The following DLG2 variants were observed in gnomAD, a reference collection of about 807,000 sequenced individuals.
DLG2 encodes the protein discs large MAGUK scaffold protein 2.
DLG2 carries 45 observed loss-of-function variants against 132.5 expected under a neutral mutation model. The observed-to-expected ratio is 0.34, with a 90% CI of 0.27 to 0.44. The LOEUF is 0.44. Among genes scored for constraint, DLG2 ranks in the 20% least tolerant of loss-of-function variants. The pLI, the probability that DLG2 is intolerant of heterozygous loss-of-function variation, is 1.00. For synonymous variants in DLG2, 424 were observed against 419.6 expected (o/e 1.01, Z -0.13); for missense variants, 1,045 against 1,196.9 (o/e 0.87, Z 1.87).
intron 7 of DLG2, among the ~76,000 whole-genome samples, chr11:84,256,747 T>C (rs1478941015): frequency 6.6e-6 from 1 of 152,200 alleles, no homozygotes; most frequent in African/African-American, 2.4e-5. Context: ...ATATATGGTA[T>C]GGCATGACAT....
chr11:83,709,720 T>C (rs116808413), intron 18 of DLG2, among the ~76,000 whole-genome samples: 1,865 of 152,320 alleles, frequency 0.012, 32 homozygotes, highest in African/African-American at 0.041. Flanking sequence ...AAATTAACTG[T>C]TGATACAGGT....
At chr11:84,481,902 C>A (rs1172127135) in intron 7 of DLG2, among the ~76,000 whole-genome samples, 1 of 152,170 alleles carries the variant, frequency 6.6e-6, no homozygotes, top group Non-Finnish European at 1.5e-5. Context: ...CAGGATCAGA[C>A]AGGGACTTCA....
chr11:83,587,829 G>T (rs1048254877), intron 19 of DLG2, among the ~76,000 whole-genome samples: 8 of 152,216 alleles, frequency 5.3e-5, no homozygotes, highest in Non-Finnish European at 1.2e-4. Flanking sequence ...CCTCACTTGG[G>T]AAGTGCAAGG....
chr11:85,025,921 T>C (rs979700922), intron 6 of DLG2, among the ~76,000 whole-genome samples: 2 of 152,040 alleles, frequency 1.3e-5, no homozygotes, highest in South Asian at 2.1e-4. Context: ...TGATTATCTA[T>C]TTGTTAGTAC....
chr11:83,806,174 C>T (rs1221952894), intron 17 of DLG2, among the ~76,000 whole-genome samples: 1 of 152,176 alleles, frequency 6.6e-6, no homozygotes, highest in Non-Finnish European at 1.5e-5. Flanking sequence ...GTCCGTGACA[C>T]TTACTTGGCC....
At chr11:84,428,172 T>C (rs1333347502) in intron 7 of DLG2, among the ~76,000 whole-genome samples, 1 of 152,206 alleles carries the variant, frequency 6.6e-6, no homozygotes, top group Admixed American at 6.5e-5. Flanking sequence ...TTCTCCTTTT[T>C]AAAAAATATA....
intron 3 of DLG2, among the ~76,000 whole-genome samples, chr11:85,436,073 G>A (rs1346059962): frequency 6.6e-6 from 1 of 152,078 alleles, no homozygotes; most frequent in African/African-American, 2.4e-5. Context: ...AGGATTCTCT[G>A]TTTAATAAAT....
chr11:85,316,351 T>C (rs2080675028), intron 3 of DLG2, among the ~76,000 whole-genome samples: 1 of 152,078 alleles, frequency 6.6e-6, no homozygotes, highest in African/African-American at 2.4e-5. Context: ...TAAGCTATCC[T>C]GATGTTTAGT....
chr11:85,104,872 C>CAAAAAAAA (rs56043190), intron 6 of DLG2, among the ~76,000 whole-genome samples: 2 of 56,054 alleles, frequency 3.6e-5, no homozygotes, highest in African/African-American at 1.4e-4. Flanking sequence ...GGCTGAATGG[C>CAAAAAAAA]AAAAAAAAAA....
At chr11:85,026,206 A>T (rs1213736007) in intron 6 of DLG2, among the ~76,000 whole-genome samples, 2 of 152,162 alleles carry the variant, frequency 1.3e-5, no homozygotes, top group African/African-American at 2.4e-5. Context: ...GAAAATATTT[A>T]TCAAAGTTAT....
chr11:84,434,115 T>A (rs1365606163), intron 7 of DLG2, among the ~76,000 whole-genome samples: 2 of 115,880 alleles, frequency 1.7e-5, no homozygotes, highest in Non-Finnish European at 3.2e-5. Flanking sequence ...TGAGACTCCA[T>A]CTCAAAAAAA....
At chr11:85,150,741 TG>T (rs2077195513) in intron 5 of DLG2, among the ~76,000 whole-genome samples, 1 of 150,074 alleles carries the variant, frequency 6.7e-6, no homozygotes, top group African/African-American at 2.5e-5. Flanking sequence ...TGTGTGTGTG[TG>T]TGTGTGTGTA....
chr11:85,598,569 G>T (rs1310100265), intron 3 of DLG2, 88 bp downstream of exon 3: 7 of 889,372 alleles, frequency 7.9e-6, no homozygotes, highest in Middle Eastern at 2.5e-4. Context: ...TTGAAACTTG[G>T]TTAACATCAG....
chr11:84,777,327 G>C (rs1346003817), intron 6 of DLG2, among the ~76,000 whole-genome samples: 1 of 67,538 alleles, frequency 1.5e-5, no homozygotes, highest in African/African-American at 5.6e-5. Flanking sequence ...ATATATATAC[G>C]TTTTCTTTAC....
In DLG2 at chr11:84,434,118, CAA is replaced by C. The variant is rs201807752; in HGVS notation, c.519+100450_519+100451del. Among the ~76,000 whole-genome samples, 650 of 86,874 alleles carry C rather than the reference CAA, an allele frequency of 7.5e-3. 4 individuals carry two copies. Among genetic ancestry groups the C allele is most frequent in the Middle Eastern group, 0.014 (2 of 148 alleles). 57.0% of individuals were successfully genotyped at this position (86,874 alleles called of 152,430 possible). ...TCTGAGCTACAGTGAGACTCCATCT[CAA>C]AAAAAAAAAAAAAAAGAATAATAGG... is the stretch of plus-strand genomic sequence containing the variant. On this transcript the variant is annotated intron_variant, in intron 7 of 27. Transcript: ENST00000376104.
chr11:83,771,548 A>G (rs549609679), intron 18 of DLG2, among the ~76,000 whole-genome samples: 1 of 152,290 alleles, frequency 6.6e-6, no homozygotes, highest in South Asian at 2.1e-4. Flanking sequence ...CTGCGCTACA[A>G]ATATGTACAG....
At chr11:85,535,503 T>A (rs1022689883) in intron 3 of DLG2, among the ~76,000 whole-genome samples, 3 of 152,200 alleles carry the variant, frequency 2.0e-5, no homozygotes, top group African/African-American at 7.2e-5. Context: ...AGTTTAAATG[T>A]GGAGAAGGTA....
rs2087296169 is a variant in DLG2, at chr11:83,718,337, G to A, written c.1825+68353C>T. 2.6e-5 allele frequency among the ~76,000 whole-genome samples: 4 copies of A among 152,080 alleles called. No homozygotes were observed. In the South Asian group the frequency reaches 8.3e-4, roughly 32 times the overall value. On this transcript the variant is annotated intron_variant, in intron 18 of 27. Transcript: ENST00000376104. Reference sequence around the variant, plus strand: ...GGATCACCTGAGGTCAGGAGTTCAAGACCAGCCTGGCCAAGATGGTGAAAC... The same window carrying A: ...GGATCACCTGAGGTCAGGAGTTCAAAACCAGCCTGGCCAAGATGGTGAAAC...
At chr11:85,470,842 A>G (rs1202600949) in intron 3 of DLG2, among the ~76,000 whole-genome samples, 1 of 152,234 alleles carries the variant, frequency 6.6e-6, no homozygotes, top group East Asian at 1.9e-4. Context: ...ATGACAGAAT[A>G]GACAGTGAGA....
Sources: gnomAD v4.1 joint callset for allele counts (sites outside exome capture counted in the v4.1 genomes callset) on GRCh38, gnomAD v4.1.1 for gene constraint, MANE v1.5 for transcripts, NCBI Gene and HGNC (gene_info 2026-07-23, HGNC 2026-07-21) for gene names.